Variants in ZMYM6 observed in about 807,000 individuals in gnomAD.
ZMYM6 encodes the protein zinc finger MYM-type protein 6.
In ZMYM6, 90 loss-of-function variants were observed where a neutral mutation model predicts 134.0. That is an observed-to-expected ratio of 0.67 (90% CI 0.57 to 0.80). The LOEUF is 0.80. ZMYM6 is among the 30% of genes least tolerant of loss of function. The pLI is 0.00. For synonymous variants in ZMYM6, 481 were observed against 524.1 expected (o/e 0.92, Z 1.12); for missense variants, 1,362 against 1,533.9 (o/e 0.89, Z 1.87).
intron 15 of ZMYM6, chr1:34,989,310 G>A: frequency 1.0e-6 from 1 of 967,638 alleles, no homozygotes; most frequent in Non-Finnish European, 1.2e-6. Context: ...CACCAAGGTG[G>A]GTGGGTCACT....
At chr1:35,019,213 G>T in intron 4 of ZMYM6, 140 bp downstream of exon 4, 3 of 1,243,824 alleles carry the variant, frequency 2.4e-6, no homozygotes, top group Non-Finnish European at 3.3e-6. Flanking sequence ...CTTTAAAATT[G>T]GTGAATTCTT....
chr1:35,029,249 T>G (rs1376713523), intron 2 of ZMYM6, among the ~76,000 whole-genome samples: 1 of 152,198 alleles, frequency 6.6e-6, no homozygotes, highest in African/African-American at 2.4e-5. Context: ...TAACAAGGTC[T>G]GCTACGTCCT....
At chr1:35,013,970 G>A (rs961569173) in intron 6 of ZMYM6, among the ~76,000 whole-genome samples, 14 of 152,266 alleles carry the variant, frequency 9.2e-5, no homozygotes, top group Non-Finnish European at 1.6e-4. Flanking sequence ...GATTACAGGC[G>A]TGAGCCACCG....
At position 34,988,231 on chromosome 1, in the gene ZMYM6, G is replaced by C. The variant is rs1306871985; in HGVS notation, c.2851C>G (p.Gln951Glu). The change falls in exon 16 of 16, where the codon CAA becomes GAA. Residue 951 changes from glutamine (Q) to glutamate (E), a missense_variant. By Grantham distance (29) the Gln-to-Glu change is conservative. Transcript: ENST00000357182. Reference protein sequence around the residue: ...ELLFCIEMPTQITGFEIFELI... With the variant: ...ELLFCIEMPTEITGFEIFELI... ...TCAAATATTTCAAAGCCAGTTATTT[G>C]AGTAGGCATTTCAATGCAAAATAAT... The C allele has an allele frequency of 1.9e-6, 3 of 1,549,462 alleles. No homozygotes were observed. In the South Asian group the frequency reaches 3.6e-5, roughly 19 times the overall value.
chr1:35,030,668 A>G lies in ZMYM6; in HGVS notation c.-29T>C. The G allele has an allele frequency of 6.3e-7, 1 of 1,592,774 alleles. No individual in the cohort carries two copies. Among genetic ancestry groups the G allele is most frequent in the Non-Finnish European group, 8.6e-7 (1 of 1,166,692 alleles). On this transcript the variant is annotated 5_prime_UTR_variant, in exon 2 of 16. Transcript: ENST00000357182. ...AATTTTTTACCTCAAAGAGTGTCTC[A>G]GGCTCAAACGAATAGATTTCTTCTT...
At chr1:35,005,529 C>T (rs1387806241) in intron 12 of ZMYM6, among the ~76,000 whole-genome samples, 2 of 150,846 alleles carry the variant, frequency 1.3e-5, no homozygotes, top group Non-Finnish European at 2.9e-5. Flanking sequence ...GATACAGTGG[C>T]ACCAGCCTGT....
intron 14 of ZMYM6, among the ~76,000 whole-genome samples, chr1:35,003,381 A>AT (rs1640914039): frequency 6.6e-6 from 1 of 152,172 alleles, no homozygotes; most frequent in Non-Finnish European, 1.5e-5. Context: ...GTTTCTTTTA[A>AT]TTTTGAGAAG....
Position 34,987,750 on chromosome 1 carries a change from C to T in ZMYM6, c.3332G>A (p.Gly1111Glu), listed in dbSNP as rs1386106786. Residue 1111 changes from glycine to glutamate, a missense_variant, in exon 16 of 16, where the codon GGA becomes GAA. Gly to Glu is a moderately conservative substitution (Grantham distance 98). Coordinates refer to ENST00000357182, the MANE Select transcript of ZMYM6 (RefSeq NM_007167.4). The part of the protein sequence containing the change: ...AKYFHDEEWV[G>E]KLAYLSDIFS... ...TATATCTGATAAGTAGGCCAGCTTT[C>T]CAACCCATTCCTCATCATGAAAATA... 7 of 1,551,362 alleles carry T rather than the reference C, an allele frequency of 4.5e-6. No individual in the cohort carries two copies. Among genetic ancestry groups the T allele is most frequent in the African/African-American group, 1.4e-5 (1 of 73,030 alleles).
chr1:34,991,353 G>T (rs1640669428), intron 15 of ZMYM6, among the ~76,000 whole-genome samples: 1 of 152,100 alleles, frequency 6.6e-6, no homozygotes. Flanking sequence ...ATTTCCTGAG[G>T]AAGGAAAACA....
At chr1:35,004,707 G>C (rs1023885395) in intron 13 of ZMYM6, among the ~76,000 whole-genome samples, 4 of 152,238 alleles carry the variant, frequency 2.6e-5, no homozygotes, top group Admixed American at 1.3e-4. Flanking sequence ...GCGGGGGTGG[G>C]GAGGCGGTGG....
At chr1:34,999,182 T>C (rs1041093025) in intron 14 of ZMYM6, among the ~76,000 whole-genome samples, 1 of 152,180 alleles carries the variant, frequency 6.6e-6, no homozygotes, top group African/African-American at 2.4e-5. Context: ...CCAAGTATGA[T>C]GTCCTGGAAG....
At chr1:35,008,677 A>C (rs1439498495) in intron 11 of ZMYM6, 75 bp downstream of exon 11, 2 of 1,505,106 alleles carry the variant, frequency 1.3e-6, no homozygotes, top group Admixed American at 4.2e-5. Flanking sequence ...TTCTTCACAT[A>C]ATTTGAATAC....
intron 12 of ZMYM6, among the ~76,000 whole-genome samples, chr1:35,006,474 T>G (rs778774627): frequency 6.6e-6 from 1 of 152,222 alleles, no homozygotes; most frequent in Non-Finnish European, 1.5e-5. Context: ...CATGAAGAAC[T>G]GTTCCATTTT....
intron 11 of ZMYM6, among the ~76,000 whole-genome samples, chr1:35,007,304 C>A (rs1243950806): frequency 2.6e-5 from 4 of 152,048 alleles, no homozygotes; most frequent in African/African-American, 9.7e-5. Context: ...AAAACTGTGG[C>A]CAGGCACGGT....
intron 14 of ZMYM6, among the ~76,000 whole-genome samples, chr1:34,994,180 C>T (rs902026274): frequency 6.6e-6 from 1 of 152,096 alleles, no homozygotes; most frequent in African/African-American, 2.4e-5. Flanking sequence ...GAAAACAAGA[C>T]AAAGTTCTGC....
At position 35,020,482 on chromosome 1, in the gene ZMYM6, A is replaced by C. The variant is rs567649092; in HGVS notation, c.94-15T>G. ...CATCCATACTCCTTTAAAAAAAAAA[A>C]GAAAAGAGAAAAGAGCAATGAATAC... On this transcript the variant is annotated splice_polypyrimidine_tract_variant and intron_variant, in intron 2 of 15. Transcript: ENST00000357182. 9 of 1,546,180 alleles carry C rather than the reference A, an allele frequency of 5.8e-6. No homozygotes were observed. Among genetic ancestry groups the C allele is most frequent in the Non-Finnish European group, 7.8e-6 (9 of 1,148,328 alleles).
In ZMYM6 at chr1:34,986,972, C is replaced by CA. The variant is rs1640588262; in HGVS notation, c.*131dup. ...CAATCATAATTATTAAATTCCTCAA[C>CA]AAAAAGGGAAAAATTATTAAAACAT... is the stretch of plus-strand genomic sequence containing the variant. On this transcript the variant is annotated 3_prime_UTR_variant, in exon 16 of 16. Coordinates refer to ENST00000357182, the MANE Select transcript of ZMYM6 (RefSeq NM_007167.4). 8.5e-6 allele frequency: 5 copies of CA among 585,064 alleles called. No homozygotes were observed. The highest frequency in any genetic ancestry group is 1.1e-5 in the Non-Finnish European group (4 of 376,580). The allele number at this position is 585,064 out of a possible 1,614,324, so 36.2% of individuals were successfully genotyped here.
chr1:35,001,933 CT>C (rs986864307), intron 14 of ZMYM6, among the ~76,000 whole-genome samples: 1 of 151,978 alleles, frequency 6.6e-6, no homozygotes, highest in Non-Finnish European at 1.5e-5. Context: ...TTTTTTCTTT[CT>C]TTTTTTTATC....
chr1:34,990,023 G>T (rs748677597), intron 15 of ZMYM6: 1 of 152,114 alleles, frequency 6.6e-6, no homozygotes, highest in African/African-American at 2.4e-5. Flanking sequence ...TGGATGAAGA[G>T]TATACTAGTA....
Sources: gnomAD v4.1 joint callset for allele counts (sites outside exome capture counted in the v4.1 genomes callset) on GRCh38, gnomAD v4.1.1 for gene constraint, MANE v1.5 for transcripts, NCBI Gene and HGNC (gene_info 2026-07-23, HGNC 2026-07-21) for gene names.